PCDH9: variants seen among roughly 807,000 people sequenced by gnomAD.
The protein encoded by PCDH9 is protocadherin-9.
PCDH9 carries 24 observed loss-of-function variants against 70.6 expected under a neutral mutation model. The observed-to-expected ratio is 0.34, with a 90% confidence interval of 0.25 to 0.48. The LOEUF (loss-of-function observed/expected upper bound fraction) is 0.48, where lower values mean the gene tolerates loss of function less well. PCDH9 is among the 20% of genes least tolerant of loss of function. PCDH9 has a pLI of 0.99. For synonymous variants in PCDH9, 562 were observed against 558.5 expected (o/e 1.01, Z -0.09); for missense variants, 1,281 against 1,503.6 (o/e 0.85, Z 2.45).
At chr13:66,416,353 A>C (rs2138336484) in intron 4 of PCDH9, among the ~76,000 whole-genome samples, 1 of 152,222 alleles carries the variant, frequency 6.6e-6, no homozygotes, top group South Asian at 2.1e-4. Flanking sequence ...AATAACCTTA[A>C]GAAAACACCA....
At position 67,228,145 on chromosome 13, in the gene PCDH9, G is replaced by T. The variant is rs1224114943; in HGVS notation, c.296C>A (p.Ala99Asp). The change falls in exon 2 of 5, where the codon GCT becomes GAT. Residue 99 changes from alanine (A) to aspartate (D), a missense_variant. Physicochemically the swap from Ala to Asp is moderately radical, Grantham distance 126 (BLOSUM62 -2). Transcript: ENST00000377865. ...SNRIDREKLC[A>D]GASYAEENEC... ...ATTCTCCTCAGCATATGAGGCGCCAGCACAGAGTTTTTCTCTGTCTATTCT... is the reference window on the plus strand; with the variant it reads ...ATTCTCCTCAGCATATGAGGCGCCATCACAGAGTTTTTCTCTGTCTATTCT... The T allele has an allele frequency of 6.2e-7, 1 of 1,614,068 alleles. No homozygotes were observed. The highest frequency in any genetic ancestry group is 1.7e-5 in the Admixed American group (1 of 60,020).
intron 4 of PCDH9, among the ~76,000 whole-genome samples, chr13:66,420,913 A>G (rs182339814): frequency 6.6e-6 from 1 of 152,254 alleles, no homozygotes; most frequent in Admixed American, 6.5e-5. Context: ...TGCTAACCCA[A>G]TGCAAGGAAG....
chr13:66,392,430 A>G (rs545071673), intron 4 of PCDH9, among the ~76,000 whole-genome samples: 39 of 152,298 alleles, frequency 2.6e-4, no homozygotes, highest in African/African-American at 9.4e-4. Flanking sequence ...AAATGTAATA[A>G]CAAATCCAAA....
chr13:66,980,742 G>GTTTTTTTTTTTTTTT (rs550869529), intron 2 of PCDH9, among the ~76,000 whole-genome samples: 81 of 107,286 alleles, frequency 7.5e-4, no homozygotes, highest in African/African-American at 1.4e-3. Flanking sequence ...TTTTTTTTTT[G>GTTTTTTTTTTTTTTT]TTTTTTTTTT....
intron 3 of PCDH9, among the ~76,000 whole-genome samples, chr13:66,790,671 T>C (rs1236976662): frequency 6.6e-6 from 1 of 152,032 alleles, no homozygotes. Context: ...AATCCTATCC[T>C]TTTTCCCATG....
intron 4 of PCDH9, among the ~76,000 whole-genome samples, chr13:66,472,755 C>T (rs1335784636): frequency 6.6e-6 from 1 of 151,986 alleles, no homozygotes; most frequent in Non-Finnish European, 1.5e-5. Context: ...TTTAAGCATC[C>T]AAGCCTGTCT....
intron 4 of PCDH9, among the ~76,000 whole-genome samples, chr13:66,388,476 G>A (rs1371298443): frequency 1.3e-5 from 2 of 151,938 alleles, no homozygotes; most frequent in African/African-American, 2.4e-5. Context: ...CACTTCACAG[G>A]ATTTTTCAGT....
At chr13:66,465,195 G>A (rs937739049) in intron 4 of PCDH9, among the ~76,000 whole-genome samples, 3 of 151,770 alleles carry the variant, frequency 2.0e-5, no homozygotes, top group Non-Finnish European at 2.9e-5. Context: ...AAAATCAAAA[G>A]TATTAGGATC....
chr13:66,415,674 A>G (rs770101311), intron 4 of PCDH9, among the ~76,000 whole-genome samples: 30 of 152,218 alleles, frequency 2.0e-4, no homozygotes, highest in Admixed American at 5.2e-4. Flanking sequence ...AGAAATAATG[A>G]AAGATATTTA....
At chr13:66,664,607 T>G (rs533143187) in intron 3 of PCDH9, among the ~76,000 whole-genome samples, 2 of 152,182 alleles carry the variant, frequency 1.3e-5, no homozygotes, top group Non-Finnish European at 2.9e-5. Context: ...AGGAGAGAAT[T>G]CATGTTTAAA....
rs73207662 is a variant in PCDH9 at position 66,425,448 on chromosome 13, T to C, written c.3341-120420A>G. 2.4e-3 allele frequency among the ~76,000 whole-genome samples: 365 copies of C among 151,744 alleles called. 2 individuals carry two copies. The highest frequency in any genetic ancestry group is 4.3e-3 in the Non-Finnish European group (290 of 67,702). On this transcript the variant is annotated intron_variant, in intron 4 of 4. Transcript: ENST00000377865. The stretch of plus-strand genomic sequence containing the variant: ...TTGAAACAAAATGCAGCCAATAAAC[T>C]GTAGGTATATCTTTAAGTATTTCAA...
At chr13:67,115,862 T>G (rs796247749) in intron 2 of PCDH9, among the ~76,000 whole-genome samples, 17 of 151,676 alleles carry the variant, frequency 1.1e-4, no homozygotes, top group African/African-American at 3.9e-4. Context: ...ATCAGGATGA[T>G]AATAATAATA....
At position 66,939,799 on chromosome 13, in the gene PCDH9, T is replaced by A. The variant is rs1318275467; in HGVS notation, c.3037-36194A>T. 3.3e-5 allele frequency among the ~76,000 whole-genome samples: 5 copies of A among 152,096 alleles called. No individual in the cohort carries two copies. In the East Asian group the frequency reaches 9.7e-4, roughly 29 times the overall value. On this transcript the variant is annotated intron_variant, in intron 2 of 4. Transcript: ENST00000377865. ...TGAATGAAAATGACTGATAGAAGACTACAAGGCTCAACGTATAGGCGCATT... is the reference window on the plus strand; with the variant it reads ...TGAATGAAAATGACTGATAGAAGACAACAAGGCTCAACGTATAGGCGCATT...
intron 4 of PCDH9, among the ~76,000 whole-genome samples, chr13:66,564,349 AGAGAT>A (rs67287631): frequency 0.49 from 73,917 of 151,062 alleles, 19,157 homozygotes; most frequent in East Asian, 0.64. Context: ...ATTTTTTTAT[AGAGAT>A]GAGGTCTTAC....
intron 4 of PCDH9, among the ~76,000 whole-genome samples, chr13:66,462,989 G>A (rs746841770): frequency 6.6e-6 from 1 of 151,804 alleles, no homozygotes; most frequent in African/African-American, 2.4e-5. Flanking sequence ...GCTTGCACAA[G>A]CTAGCCCAAT....
chr13:66,902,955 CT>C (rs1350941126), intron 3 of PCDH9, among the ~76,000 whole-genome samples: 2 of 151,580 alleles, frequency 1.3e-5, no homozygotes, highest in East Asian at 3.9e-4. Context: ...GATGAACTAA[CT>C]TTTTTAAAAA....
chr13:67,140,034 C>CT lies in PCDH9; in HGVS notation c.3036+85370_3036+85371insA, dbSNP rs1240544052. Among the ~76,000 whole-genome samples, 26 of 125,882 alleles carry CT rather than the reference C, an allele frequency of 2.1e-4. 2 individuals are homozygous for CT. The highest frequency in any genetic ancestry group is 1.5e-4 in the Non-Finnish European group (9 of 59,870). 82.6% of individuals were successfully genotyped at this position (125,882 alleles called of 152,430 possible). Reference sequence around the variant, plus strand: ...ATGTGATTTTTTGATCACCCCCCCCCCCCCGCCCATTGTGTTATTTTTTAA... The same window carrying CT: ...ATGTGATTTTTTGATCACCCCCCCCCTCCCCGCCCATTGTGTTATTTTTTAA... On this transcript the variant is annotated intron_variant, in intron 2 of 4. Transcript: ENST00000377865.
chr13:67,219,701 T>A (rs556416663), intron 2 of PCDH9: 2 of 152,048 alleles, frequency 1.3e-5, no homozygotes, highest in African/African-American at 4.8e-5. Flanking sequence ...TTATATGTAA[T>A]AAATTGTGGA....
intron 3 of PCDH9, among the ~76,000 whole-genome samples, chr13:66,815,588 G>A (rs1421340424): frequency 1.3e-5 from 2 of 152,124 alleles, no homozygotes; most frequent in Non-Finnish European, 2.9e-5. Context: ...ATACTACACA[G>A]CCATAAAGAG....
Sources: allele counts gnomAD v4.1 joint callset (sites outside exome capture counted in the v4.1 genomes callset), GRCh38; gene constraint gnomAD v4.1.1; transcripts MANE v1.5; gene names NCBI Gene and HGNC (gene_info 2026-07-23, HGNC 2026-07-21).